Variants in DEFB119 observed in about 807,000 individuals in gnomAD.
The protein encoded by DEFB119 is beta-defensin 119.
DEFB119 carries 3 observed loss-of-function variants against 2.5 expected under a neutral mutation model. The ratio of observed to expected loss-of-function variants is 1.19; its 90% confidence interval spans 0.54 to 3.07. The LOEUF is 3.07. DEFB119 is among the 30% of genes most tolerant of loss of function. The pLI is 0.03. For synonymous variants in DEFB119, 29 were observed against 33.7 expected (o/e 0.86, Z 0.48); for missense variants, 113 against 101.1 (o/e 1.12, Z -0.50).
At chr20:31,389,034 AG>A (rs868690364) in intron 1 of DEFB119, 6 of 1,613,922 alleles carry the variant, frequency 3.7e-6, no homozygotes, top group Middle Eastern at 1.6e-4. Flanking sequence ...TCTATCTATT[AG>A]TTATATTTGT....
rs766006707 is a variant in DEFB119 at position 31,377,284 on chromosome 20, C to A, written c.217G>T (p.Asp73Tyr). The change falls in exon 2 of 2, where the codon GAC (aspartate) becomes TAC (tyrosine). Residue 73 changes from aspartate (D) to tyrosine (Y), a missense_variant. By Grantham distance (160) the Asp-to-Tyr change is radical. Transcript: ENST00000376321. ...ISISGKEENT[D>Y]WSYEKQWPRL... ...GGCCACTGCTTCTCATAAGACCAGT[C>A]GGTATTTTCCTCTTTGCCAGAAATG... The A allele has an allele frequency of 6.2e-7, 1 of 1,613,692 alleles. No individual in the cohort carries two copies. The highest frequency in any genetic ancestry group is 1.3e-5 in the African/African-American group (1 of 74,896).
chr20:31,379,492 C>G (rs1986427220), intron 1 of DEFB119, among the ~76,000 whole-genome samples: 2 of 133,672 alleles, frequency 1.5e-5, no homozygotes, highest in South Asian at 2.1e-4. Context: ...TTGTTTATTA[C>G]TGTTGAGTCT....
intron 1 of DEFB119, among the ~76,000 whole-genome samples, chr20:31,379,868 T>C (rs918132850): frequency 2.0e-5 from 3 of 152,130 alleles, no homozygotes; most frequent in Non-Finnish European, 2.9e-5. Flanking sequence ...GGTTTCACCA[T>C]GTTAGCCAGG....
chr20:31,389,973 T>C (rs115962272), intron 1 of DEFB119, among the ~76,000 whole-genome samples: 1 of 151,634 alleles, frequency 6.6e-6, no homozygotes, highest in Non-Finnish European at 1.5e-5. Flanking sequence ...CCAGCTCCAC[T>C]CAACCCCAAA....
At chr20:31,387,241 T>C (rs1986741510) in intron 1 of DEFB119, among the ~76,000 whole-genome samples, 1 of 152,214 alleles carries the variant, frequency 6.6e-6, no homozygotes, top group African/African-American at 2.4e-5. Context: ...TATTGAACTA[T>C]CACACTGTAC....
Position 31,377,185 on chromosome 20 carries a change from T to A in DEFB119, c.*61A>T. On this transcript the variant is annotated 3_prime_UTR_variant, in exon 2 of 2. Coordinates refer to ENST00000376321, the MANE Select transcript of DEFB119 (RefSeq NM_153289.4). The stretch of plus-strand genomic sequence containing the variant: ...AGGGTAGCAGGCACATGAATTTTAA[T>A]GAGGGGGGTTGACAGCAGGTCTCTG... 9 of 1,488,528 alleles carry A rather than the reference T, an allele frequency of 6.0e-6. No individual in the cohort carries two copies. Among genetic ancestry groups the A allele is most frequent in the Non-Finnish European group, 8.1e-6 (9 of 1,108,284 alleles). The allele number at this position is 1,488,528 out of a possible 1,614,324, so 92.2% of individuals were successfully genotyped here. A position where few individuals can be genotyped will look rare whatever the true frequency, so the allele number is the denominator to read the frequency against.
chr20:31,390,344 G>C, intron 1 of DEFB119, 79 bp downstream of exon 1: 1 of 1,336,266 alleles, frequency 7.5e-7, no homozygotes, highest in Non-Finnish European at 1.1e-6. Context: ...GGCTTCAGAT[G>C]ATGCCCACAG....
intron 1 of DEFB119, among the ~76,000 whole-genome samples, chr20:31,385,317 C>T (rs2122305187): frequency 6.8e-6 from 1 of 148,008 alleles, no homozygotes; most frequent in Non-Finnish European, 1.5e-5. Context: ...TCTGCCATTA[C>T]TCAGTGACAG....
At chr20:31,387,850 C>T (rs1986770022) in intron 1 of DEFB119, among the ~76,000 whole-genome samples, 1 of 152,156 alleles carries the variant, frequency 6.6e-6, no homozygotes, top group East Asian at 1.9e-4. Flanking sequence ...TCCCCTTGCT[C>T]CTAGCAACTC....
chr20:31,389,208 G>A lies in DEFB119; in HGVS notation c.61+1215C>T, dbSNP rs6120064. On this transcript the variant is annotated intron_variant, in intron 1 of 1. Coordinates refer to ENST00000376321, the MANE Select transcript of DEFB119 (RefSeq NM_153289.4). ...CACCATCTTTGCACAACAACCGGCA[G>A]TGTCCATCCATCCAACACTCTACTT... The A allele has an allele frequency of 6.4e-3, 10,259 of 1,614,076 alleles. 508 individuals are homozygous for A. In the African/African-American group the frequency reaches 0.11, roughly 18 times the overall value.
At chr20:31,390,631 G>A (rs546693263), upstream of DEFB119, 4 of 693,510 alleles carry the variant, frequency 5.8e-6, no homozygotes, top group East Asian at 2.7e-5. Context: ...AGGTCATCCA[G>A]GCCAAAGGAC....
intron 1 of DEFB119, among the ~76,000 whole-genome samples, chr20:31,381,563 G>A (rs990185225): frequency 4.6e-5 from 7 of 152,166 alleles, no homozygotes; most frequent in African/African-American, 1.2e-4. Context: ...CTGTAATCCC[G>A]GCACTTTGTG....
chr20:31,389,355 C>T, intron 1 of DEFB119: 2 of 1,156,644 alleles, frequency 1.7e-6, no homozygotes. Flanking sequence ...TGAGTAATGC[C>T]AGACCCAGTC....
chr20:31,388,683 C>T (rs903964945), intron 1 of DEFB119, among the ~76,000 whole-genome samples: 3 of 152,168 alleles, frequency 2.0e-5, no homozygotes, highest in African/African-American at 7.2e-5. Flanking sequence ...CATTCACTCT[C>T]AAGATGGACC....
intron 1 of DEFB119, chr20:31,388,223 C>G (rs1986785978): frequency 1.0e-6 from 1 of 984,904 alleles, no homozygotes; most frequent in Non-Finnish European, 1.2e-6. Context: ...GCTTCTGTCT[C>G]CCTCAGACTC....
chr20:31,389,141 C>A, intron 1 of DEFB119: 1 of 1,614,182 alleles, frequency 6.2e-7, no homozygotes, highest in Non-Finnish European at 8.5e-7. Context: ...CGACTAGGAA[C>A]ACAGCACCGT....
intron 1 of DEFB119, among the ~76,000 whole-genome samples, chr20:31,385,374 CAAAA>C (rs539118665): frequency 8.6e-6 from 1 of 115,804 alleles, no homozygotes; most frequent in Non-Finnish European, 1.7e-5. Flanking sequence ...TAACAAAAGA[CAAAA>C]AAAAAAAAAA....
intron 1 of DEFB119, among the ~76,000 whole-genome samples, chr20:31,382,024 T>A (rs1202000775): frequency 6.6e-6 from 1 of 152,162 alleles, no homozygotes; most frequent in Non-Finnish European, 1.5e-5. Flanking sequence ...CAGATCTTCG[T>A]GGTGATGGAA....
chr20:31,383,768 G>A (rs916283244), intron 1 of DEFB119, among the ~76,000 whole-genome samples: 3 of 151,692 alleles, frequency 2.0e-5, no homozygotes, highest in Non-Finnish European at 1.5e-5. Context: ...GCGTGAACCC[G>A]GGAGGCGGAG....
Sources: gnomAD v4.1 joint callset for allele counts (sites outside exome capture counted in the v4.1 genomes callset) on GRCh38, gnomAD v4.1.1 for gene constraint, MANE v1.5 for transcripts, NCBI Gene and HGNC (gene_info 2026-07-23, HGNC 2026-07-21) for gene names.